The following GRID1 variants were observed in gnomAD, a reference collection of about 807,000 sequenced individuals.
GRID1 encodes glutamate receptor ionotropic, delta-1.
GRID1 carries 28 observed loss-of-function variants against 98.0 expected under a neutral mutation model. That is an observed-to-expected ratio of 0.29 (90% CI 0.21 to 0.39). The LOEUF (loss-of-function observed/expected upper bound fraction) is 0.39, where lower values mean the gene tolerates loss of function less well. Among genes scored for constraint, GRID1 ranks in the 10% least tolerant of loss-of-function variants. The pLI is 1.00. For missense variants in GRID1, 1,111 were observed against 1,340.5 expected, an observed-to-expected ratio of 0.83 and a Z score of 2.67; for synonymous variants, 553 against 538.5, an observed-to-expected ratio of 1.03 and a Z score of -0.37.
rs535648029 is a variant in GRID1 at position 85,967,101 on chromosome 10, C to T, written c.727-50862G>A. ...GCACAAGCTCTCTCACCTGCTGCCACGTAAGATATATCTTGCTTCCCCTTT... is the reference window on the plus strand; with the variant it reads ...GCACAAGCTCTCTCACCTGCTGCCATGTAAGATATATCTTGCTTCCCCTTT... On this transcript the variant is annotated intron_variant, in intron 4 of 15. Transcript: ENST00000327946. 2.0e-4 allele frequency among the ~76,000 whole-genome samples: 31 copies of T among 152,316 alleles called. 1 individual carries two copies. In the Middle Eastern group the frequency reaches 0.017, roughly 84 times the overall value.
At position 86,365,587 on chromosome 10, in the gene GRID1, C is replaced by T. The variant is rs190406880; in HGVS notation, c.79+727G>A. On this transcript the variant is annotated intron_variant, in intron 1 of 15. Transcript: ENST00000327946. The surrounding 1 kb of genome is among the most constrained non-coding windows in gnomAD (Gnocchi z 4.8). ...ACGCTTCTTCCCTCGGCTCCCACCA[C>T]CCAGACCGTCTGGGCCCCCAAGACT... 1.9e-3 allele frequency among the ~76,000 whole-genome samples: 280 copies of T among 150,140 alleles called. No individual in the cohort carries two copies. Among genetic ancestry groups the T allele is most frequent in the African/African-American group, 6.3e-3 (256 of 40,744 alleles).
intron 3 of GRID1, among the ~76,000 whole-genome samples, chr10:86,204,123 G>A (rs914555013): frequency 6.6e-6 from 1 of 152,136 alleles, no homozygotes; most frequent in Non-Finnish European, 1.5e-5. Context: ...AGGGGTGGGG[G>A]AGTGTGACTG....
At chr10:86,163,436 A>C (rs563201580) in intron 3 of GRID1, among the ~76,000 whole-genome samples, 106 of 144,468 alleles carry the variant, frequency 7.3e-4, no homozygotes, top group African/African-American at 2.7e-3. Context: ...ATTATACTTT[A>C]AGTTCTAGGG....
At chr10:85,614,449 C>T (rs1177329034) in intron 14 of GRID1, among the ~76,000 whole-genome samples, 2 of 152,222 alleles carry the variant, frequency 1.3e-5, no homozygotes, top group South Asian at 4.1e-4. Context: ...TCCTCATTTG[C>T]ATGCCAGTCC....
chr10:85,636,403 A>T (rs1383122599), intron 13 of GRID1, among the ~76,000 whole-genome samples: 3 of 152,210 alleles, frequency 2.0e-5, no homozygotes, highest in Admixed American at 2.0e-4. Context: ...CACTGCAGAA[A>T]TCTATATTTA....
At chr10:86,346,505 C>T (rs1034091788) in intron 2 of GRID1, among the ~76,000 whole-genome samples, 2 of 152,184 alleles carry the variant, frequency 1.3e-5, no homozygotes, top group Admixed American at 6.5e-5. Context: ...AGTAGCCAGC[C>T]GCCTAATGAG....
intron 2 of GRID1, among the ~76,000 whole-genome samples, chr10:86,210,685 GTAA>G (rs1846096025): frequency 1.3e-5 from 2 of 152,232 alleles, no homozygotes; most frequent in South Asian, 4.1e-4. Flanking sequence ...AAAAGGGTGG[GTAA>G]TTAAGGCTGG....
intron 4 of GRID1, among the ~76,000 whole-genome samples, chr10:85,952,573 G>C (rs1386929653): frequency 6.6e-6 from 1 of 151,872 alleles, no homozygotes; most frequent in Non-Finnish European, 1.5e-5. Context: ...GAGATTTTTT[G>C]TGTTTGTGTT....
chr10:85,693,535 A>G (rs1194053581), intron 12 of GRID1, among the ~76,000 whole-genome samples: 2 of 151,888 alleles, frequency 1.3e-5, no homozygotes, highest in African/African-American at 4.9e-5. Context: ...TTAATAATAT[A>G]CTACAAGGCT....
At chr10:85,888,946 T>C (rs950762901) in intron 5 of GRID1, among the ~76,000 whole-genome samples, 5 of 152,176 alleles carry the variant, frequency 3.3e-5, no homozygotes, top group African/African-American at 1.2e-4. Flanking sequence ...ACATTCAGGG[T>C]AGGTCAAAGC....
In GRID1 at chr10:85,889,676, C is replaced by T. The variant is rs112860163; in HGVS notation, c.781-20496G>A. ...TCAGGTACTTTGGAGATGTTGATTTCCTTTCTTTTGGATAGATACCCAGAA... is the reference window on the plus strand; with the variant it reads ...TCAGGTACTTTGGAGATGTTGATTTTCTTTCTTTTGGATAGATACCCAGAA... On this transcript the variant is annotated intron_variant, in intron 5 of 15. Transcript: ENST00000327946. 4.7e-3 allele frequency among the ~76,000 whole-genome samples: 711 copies of T among 152,156 alleles called. 5 individuals are homozygous for T. Among genetic ancestry groups the T allele is most frequent in the African/African-American group, 0.016 (649 of 41,526 alleles).
intron 4 of GRID1, among the ~76,000 whole-genome samples, chr10:85,999,713 A>C (rs1283703035): frequency 6.6e-6 from 1 of 152,216 alleles, no homozygotes; most frequent in Non-Finnish European, 1.5e-5. Context: ...CTAAAGAAAA[A>C]AACCAACTTG....
At chr10:85,665,629 G>C (rs1294587181) in intron 12 of GRID1, among the ~76,000 whole-genome samples, 1 of 152,184 alleles carries the variant, frequency 6.6e-6, no homozygotes, top group East Asian at 1.9e-4. Flanking sequence ...TTGCTTGACA[G>C]TCTAATTCCA....
chr10:86,322,239 T>C (rs959857260), intron 2 of GRID1, among the ~76,000 whole-genome samples: 1 of 151,760 alleles, frequency 6.6e-6, no homozygotes, highest in Non-Finnish European at 1.5e-5. Flanking sequence ...AGGATAAAAG[T>C]AAATTAAAAG....
intron 4 of GRID1, among the ~76,000 whole-genome samples, chr10:86,003,689 A>T (rs1842827059): frequency 6.6e-6 from 1 of 152,248 alleles, no homozygotes; most frequent in East Asian, 1.9e-4. Context: ...TTTAGAAGCC[A>T]ATGGCCAATG....
chr10:85,901,043 C>A (rs764008792), intron 5 of GRID1, among the ~76,000 whole-genome samples: 1 of 152,090 alleles, frequency 6.6e-6, no homozygotes, highest in Non-Finnish European at 1.5e-5. Context: ...AGGGTCGCAG[C>A]AGGCCCAGAA....
At chr10:85,602,753 C>T (rs780257806) in intron 15 of GRID1, 52 bp from the exon 16 acceptor site, 25 of 1,395,718 alleles carry the variant, frequency 1.8e-5, no homozygotes, top group Non-Finnish European at 2.4e-5. Flanking sequence ...TGAGTCAAGG[C>T]TGGCTTGCTA....
chr10:85,940,066 CAAAAA>C (rs34122685), intron 4 of GRID1, among the ~76,000 whole-genome samples: 30 of 99,382 alleles, frequency 3.0e-4, no homozygotes, highest in South Asian at 1.4e-3. Flanking sequence ...GACTCCCTCT[CAAAAA>C]AAAAAAAAAA....
chr10:85,709,689 T>G (rs542828533), intron 12 of GRID1, among the ~76,000 whole-genome samples: 1 of 152,284 alleles, frequency 6.6e-6, no homozygotes, highest in South Asian at 2.1e-4. Context: ...CTCACACCGA[T>G]AGTGCACAAT....
Sources: gnomAD v4.1 joint callset for allele counts (sites outside exome capture counted in the v4.1 genomes callset) on GRCh38, gnomAD v4.1.1 for gene constraint, Gnocchi (gnomAD v3.1) non-coding constraint, MANE v1.5 for transcripts, NCBI Gene and HGNC (gene_info 2026-07-23, HGNC 2026-07-21) for gene names.